NRXN3: variants seen among roughly 807,000 people sequenced by gnomAD.
NRXN3 encodes neurexin 3.
NRXN3 carries 32 observed loss-of-function variants against 137.6 expected under a neutral mutation model. The ratio of observed to expected loss-of-function variants is 0.23; its 90% CI spans 0.18 to 0.31. NRXN3 has a LOEUF of 0.31. Ranked by LOEUF, NRXN3 falls within the 10% of genes least tolerant of loss-of-function variation. The pLI is 1.00. For missense variants in NRXN3, 1,574 were observed against 2,062.5 expected, an observed-to-expected ratio of 0.76 and a Z score of 4.59; for synonymous variants, 798 against 784.5, an observed-to-expected ratio of 1.02 and a Z score of -0.29.
intron 10 of NRXN3, among the ~76,000 whole-genome samples, chr14:78,852,525 C>T (rs531581155): frequency 1.3e-5 from 2 of 152,208 alleles, no homozygotes; most frequent in East Asian, 3.9e-4. Flanking sequence ...TCTGAATCAA[C>T]CTACTTTCTT....
intron 6 of NRXN3, among the ~76,000 whole-genome samples, chr14:78,693,201 A>C (rs750473965): frequency 1.3e-5 from 2 of 152,040 alleles, no homozygotes; most frequent in African/African-American, 2.4e-5. Flanking sequence ...TGGATGCCTC[A>C]ATAGACCTGG....
At chr14:79,319,364 G>A (rs2089555101) in intron 15 of NRXN3, among the ~76,000 whole-genome samples, 1 of 152,092 alleles carries the variant, frequency 6.6e-6, no homozygotes, top group South Asian at 2.1e-4. Flanking sequence ...ACACCCCCCT[G>A]AGCATCTAGA....
At chr14:78,939,514 A>T (rs186437169) in intron 10 of NRXN3, among the ~76,000 whole-genome samples, 4 of 152,332 alleles carry the variant, frequency 2.6e-5, no homozygotes, top group African/African-American at 9.6e-5. Flanking sequence ...TAAGAAAGGG[A>T]TACAACAGCT....
chr14:78,832,158 C>A (rs1410159868), intron 10 of NRXN3, among the ~76,000 whole-genome samples: 1 of 151,912 alleles, frequency 6.6e-6, no homozygotes, highest in Non-Finnish European at 1.5e-5. Flanking sequence ...GAGACAAATT[C>A]AAGAGCTTTG....
chr14:79,599,000 G>A (rs941368830), intron 16 of NRXN3, among the ~76,000 whole-genome samples: 3 of 152,138 alleles, frequency 2.0e-5, no homozygotes, highest in Non-Finnish European at 2.9e-5. Context: ...CTTCTACATT[G>A]CACTCAAGCT....
At chr14:78,693,773 C>T (rs1484725582) in intron 6 of NRXN3, among the ~76,000 whole-genome samples, 1 of 147,394 alleles carries the variant, frequency 6.8e-6, no homozygotes. Flanking sequence ...TTATATAATA[C>T]CAACCTGACC....
intron 4 of NRXN3, among the ~76,000 whole-genome samples, chr14:78,461,189 G>A (rs144430381): frequency 3.7e-4 from 57 of 152,314 alleles, no homozygotes; most frequent in African/African-American, 1.3e-3. Context: ...GCATGTGTTC[G>A]CATGCAACTG....
intron 15 of NRXN3, among the ~76,000 whole-genome samples, chr14:79,291,735 C>T (rs1439777431): frequency 6.6e-6 from 1 of 150,594 alleles, no homozygotes; most frequent in Non-Finnish European, 1.5e-5. Context: ...GAAAACAGTA[C>T]AATATTTCAT....
intron 4 of NRXN3, among the ~76,000 whole-genome samples, chr14:78,640,154 G>T (rs1475192873): frequency 6.6e-6 from 1 of 152,072 alleles, no homozygotes; most frequent in East Asian, 1.9e-4. Flanking sequence ...GCCTCTCTTA[G>T]GTTGTTCTGC....
At chr14:78,747,905 C>T (rs985386016) in intron 8 of NRXN3, among the ~76,000 whole-genome samples, 9 of 152,078 alleles carry the variant, frequency 5.9e-5, no homozygotes, top group South Asian at 4.1e-4. Context: ...GGACTTTCTC[C>T]GAATCCATTT....
intron 4 of NRXN3, among the ~76,000 whole-genome samples, chr14:78,526,285 G>A (rs530934202): frequency 2.6e-5 from 4 of 152,208 alleles, no homozygotes; most frequent in Non-Finnish European, 5.9e-5. Flanking sequence ...TCAAGTGGCT[G>A]TCTGAACATA....
intron 2 of NRXN3, among the ~76,000 whole-genome samples, chr14:78,247,400 C>T (rs983309043): frequency 2.0e-5 from 3 of 152,116 alleles, no homozygotes; most frequent in Admixed American, 1.3e-4. Flanking sequence ...TAGCTCTGGC[C>T]GCGGACTGAA....
chr14:78,644,377 C>T (rs1566960601), intron 4 of NRXN3, among the ~76,000 whole-genome samples: 1 of 152,034 alleles, frequency 6.6e-6, no homozygotes, highest in Non-Finnish European at 1.5e-5. Context: ...AAGAGAATGC[C>T]GTCCTGGCCC....
intron 15 of NRXN3, among the ~76,000 whole-genome samples, chr14:79,118,498 G>A (rs551473065): frequency 6.6e-6 from 1 of 152,246 alleles, no homozygotes; most frequent in African/African-American, 2.4e-5. Flanking sequence ...CTTTGTCATG[G>A]TGCCATGGCT....
intron 16 of NRXN3, among the ~76,000 whole-genome samples, chr14:79,578,452 T>C (rs61153207): frequency 0.088 from 13,414 of 152,118 alleles, 1,215 homozygotes; most frequent in African/African-American, 0.23. Context: ...CCTCAGGAGA[T>C]AGACCTGAGA....
At chr14:78,600,232 A>G (rs1204682833) in intron 4 of NRXN3, among the ~76,000 whole-genome samples, 3 of 152,220 alleles carry the variant, frequency 2.0e-5, no homozygotes, top group Non-Finnish European at 4.4e-5. Context: ...TTTGGTTGTT[A>G]TACAGCACCA....
rs187972121 is a variant in NRXN3 at position 78,448,581 on chromosome 14, C to G, written c.757+150721C>G. Among the ~76,000 whole-genome samples the G allele has an allele frequency of 9.9e-4, 150 of 152,276 alleles. 1 individual carries two copies. Among genetic ancestry groups the G allele is most frequent in the Middle Eastern group, 6.8e-3 (2 of 294 alleles). ...AACCAGTGTATTGACTTGGAAAGAT[C>G]CCTTAGATCTCTGAACTGGGACAAG... On this transcript the variant is annotated intron_variant, in intron 4 of 20. Coordinates refer to ENST00000335750, the MANE Select transcript of NRXN3 (RefSeq NM_001330195.2).
chr14:79,455,800 A>G (rs1161008412), intron 15 of NRXN3, among the ~76,000 whole-genome samples: 1 of 151,694 alleles, frequency 6.6e-6, no homozygotes, highest in African/African-American at 2.4e-5. Flanking sequence ...TGACATTTTA[A>G]AGAGCAAACT....
At chr14:78,775,052 T>C (rs2033045171) in intron 8 of NRXN3, among the ~76,000 whole-genome samples, 1 of 152,232 alleles carries the variant, frequency 6.6e-6, no homozygotes, top group Admixed American at 6.5e-5. Flanking sequence ...ATATTATCAG[T>C]AGATTTATCT....
Sources: allele counts gnomAD v4.1 joint callset (sites outside exome capture counted in the v4.1 genomes callset), GRCh38; gene constraint gnomAD v4.1.1; transcripts MANE v1.5; gene names NCBI Gene and HGNC (gene_info 2026-07-23, HGNC 2026-07-21).